ANXA8: variants seen among roughly 807,000 people sequenced by gnomAD.
ANXA8 encodes VAC-beta.
A neutral mutation model predicts 26.8 loss-of-function variants in ANXA8; 9 were observed. That is an observed-to-expected ratio of 0.34 (90% CI 0.20 to 0.59). The LOEUF (loss-of-function observed/expected upper bound fraction) is 0.59, where lower values mean the gene tolerates loss of function less well. Ranked by LOEUF, ANXA8 falls within the 20% of genes least tolerant of loss-of-function variation. ANXA8 has a pLI of 0.84. For synonymous variants in ANXA8, 39 were observed against 94.8 expected, an observed-to-expected ratio of 0.41 and a Z score of 3.42; for missense variants, 83 against 238.5, an observed-to-expected ratio of 0.35 and a Z score of 4.29.
At chr10:47,587,047 A>C in the ANXA8 span, among the ~76,000 whole-genome samples, 6 of 146,964 alleles carry the variant, frequency 4.1e-5, no homozygotes, top group African/African-American at 1.6e-4. Flanking sequence ...TCTACTAAAA[A>C]TACAAAAATT....
At chr10:47,614,204 T>G in the ANXA8 span, among the ~76,000 whole-genome samples, 2 of 74,996 alleles carry the variant, frequency 2.7e-5, no homozygotes, top group African/African-American at 7.6e-5. Flanking sequence ...TTCAGGGCTA[T>G]TATTTTATCT....
At chr10:47,600,265 T>C in the ANXA8 span, among the ~76,000 whole-genome samples, 1 of 150,170 alleles carries the variant, frequency 6.7e-6, no homozygotes, top group Non-Finnish European at 1.5e-5. Flanking sequence ...CACCATCCTA[T>C]TGCGGTTCAG....
the ANXA8 span, among the ~76,000 whole-genome samples, chr10:47,644,465 A>G: frequency 7.3e-3 from 1,114 of 152,050 alleles, 7 homozygotes; most frequent in Middle Eastern, 0.014. Flanking sequence ...GAGTGTGTCC[A>G]TGCTGCAATA....
chr10:47,657,932 C>T, the ANXA8 span, among the ~76,000 whole-genome samples: 1 of 151,730 alleles, frequency 6.6e-6, no homozygotes, highest in Admixed American at 6.6e-5. Flanking sequence ...TTCTCCTGTT[C>T]TTGTTTTAAA....
chr10:47,484,337 G>A (rs1275684540), upstream of ANXA8: 9 of 655,776 alleles, frequency 1.4e-5, no homozygotes, highest in Non-Finnish European at 2.2e-5. Flanking sequence ...GCCCACCTTG[G>A]CCTACCAAAG....
At chr10:47,577,243 A>C in the ANXA8 span, among the ~76,000 whole-genome samples, 3 of 136,126 alleles carry the variant, frequency 2.2e-5, no homozygotes, top group African/African-American at 8.4e-5. Context: ...AAAAAAAAAA[A>C]CAGGGTTGGG....
chr10:47,489,074 G>A (rs1840100872), upstream of ANXA8, among the ~76,000 whole-genome samples: 1 of 148,932 alleles, frequency 6.7e-6, no homozygotes, highest in East Asian at 2.0e-4. Flanking sequence ...CTGGAGTGCA[G>A]TGGCATGATC....
chr10:47,681,523 C>CTTTTTTTTTTTT, the ANXA8 span, among the ~76,000 whole-genome samples: 12 of 81,270 alleles, frequency 1.5e-4, no homozygotes, highest in African/African-American at 4.2e-4. Context: ...TTTATTTTTA[C>CTTTTTTTTTTTT]TTTTTTTTTT....
chr10:47,945,097 C>A, the ANXA8 span, among the ~76,000 whole-genome samples: 2 of 150,518 alleles, frequency 1.3e-5, no homozygotes, highest in Non-Finnish European at 1.5e-5. Context: ...TCTTGCTGAC[C>A]CCCAAGACTG....
the ANXA8 span, among the ~76,000 whole-genome samples, chr10:47,509,533 GTTAAA>G: frequency 1.6e-5 from 2 of 122,026 alleles, no homozygotes; most frequent in South Asian, 3.0e-4. Context: ...AGAATGAAAA[GTTAAA>G]TTAAAGATAA....
the ANXA8 span, among the ~76,000 whole-genome samples, chr10:47,650,193 G>A: frequency 6.9e-6 from 1 of 144,862 alleles, no homozygotes; most frequent in Non-Finnish European, 1.5e-5. Context: ...GGTTGACAGG[G>A]CAAGTCTGTC....
chr10:47,916,244 C>A, the ANXA8 span, among the ~76,000 whole-genome samples: 1 of 119,854 alleles, frequency 8.3e-6, no homozygotes, highest in Admixed American at 8.3e-5. Flanking sequence ...TGCTCCGGAC[C>A]CTGGACTCCA....
the ANXA8 span, among the ~76,000 whole-genome samples, chr10:47,591,178 T>G: frequency 6.9e-6 from 1 of 145,650 alleles, no homozygotes; most frequent in Admixed American, 6.7e-5. Flanking sequence ...TGCTCATGCA[T>G]TTGGGTGGGG....
At chr10:47,616,922 C>T in the ANXA8 span, among the ~76,000 whole-genome samples, 1 of 68,048 alleles carries the variant, frequency 1.5e-5, no homozygotes, top group East Asian at 2.7e-4. Flanking sequence ...CAGAACTGGT[C>T]TGGCTACTTT....
the ANXA8 span, among the ~76,000 whole-genome samples, chr10:47,656,253 T>G: frequency 6.6e-6 from 1 of 151,350 alleles, no homozygotes; most frequent in Non-Finnish European, 1.5e-5. Flanking sequence ...AAAAAATTAG[T>G]CAGGTATGGT....
chr10:47,658,233 T>C, the ANXA8 span, among the ~76,000 whole-genome samples: 1 of 151,584 alleles, frequency 6.6e-6, no homozygotes, highest in Non-Finnish European at 1.5e-5. Context: ...CTAGCCATGG[T>C]GGCACGCACC....
the ANXA8 span, among the ~76,000 whole-genome samples, chr10:47,647,026 T>C: frequency 1.3e-5 from 2 of 152,214 alleles, no homozygotes; most frequent in Non-Finnish European, 2.9e-5. Flanking sequence ...CTTACGAATA[T>C]GATTTCTTTG....
At chr10:47,488,534 T>C (rs1231995125), upstream of ANXA8, among the ~76,000 whole-genome samples, 2 of 151,388 alleles carry the variant, frequency 1.3e-5, no homozygotes, top group Non-Finnish European at 2.9e-5. Flanking sequence ...AAGAGCAGCC[T>C]GAGCTAAGAT....
the ANXA8 span, among the ~76,000 whole-genome samples, chr10:47,771,575 T>TTTGTTG: frequency 1.3e-5 from 2 of 149,884 alleles, no homozygotes; most frequent in African/African-American, 5.0e-5. Flanking sequence ...GCAGGTTTTT[T>TTTGTTG]TTGTTGTTGT....
Sources: allele counts gnomAD v4.1 joint callset (sites outside exome capture counted in the v4.1 genomes callset), GRCh38; gene constraint gnomAD v4.1.1; transcripts MANE v1.5; gene names NCBI Gene and HGNC (gene_info 2026-07-23, HGNC 2026-07-21).